PPFIBP1: variants seen among roughly 807,000 people sequenced by gnomAD.
The protein encoded by PPFIBP1 is PPFIB scaffold protein 1.
PPFIBP1 carries 112 observed loss-of-function variants against 137.8 expected under a neutral mutation model. The observed-to-expected ratio is 0.81, with a 90% CI of 0.70 to 0.95. The LOEUF (loss-of-function observed/expected upper bound fraction) is 0.95, where lower values mean the gene tolerates loss of function less well. PPFIBP1 is among the 40% of genes least tolerant of loss of function. The pLI, the probability that PPFIBP1 is intolerant of heterozygous loss-of-function variation, is 0.00. For synonymous variants in PPFIBP1, 378 were observed against 417.3 expected, an observed-to-expected ratio of 0.91 and a Z score of 1.15; for missense variants, 1,083 against 1,196.6, an observed-to-expected ratio of 0.91 and a Z score of 1.40.
chr12:27,595,887 ATATATATATATAT>A (rs142846814), intron 2 of PPFIBP1, among the ~76,000 whole-genome samples: 27,430 of 95,578 alleles, frequency 0.29, 3,441 homozygotes, highest in African/African-American at 0.38. Flanking sequence ...CAACAACAAA[ATATATATATATAT>A]ATATATATAT....
At chr12:27,525,965 A>T (rs1019319486) in intron 1 of PPFIBP1, among the ~76,000 whole-genome samples, 1 of 152,238 alleles carries the variant, frequency 6.6e-6, no homozygotes, top group African/African-American at 2.4e-5. Flanking sequence ...CAACATTTTA[A>T]TTTTGGTTTG....
At chr12:27,542,208 C>A (rs927827850) in intron 1 of PPFIBP1, among the ~76,000 whole-genome samples, 37 of 152,088 alleles carry the variant, frequency 2.4e-4, no homozygotes, top group Non-Finnish European at 7.4e-5. Context: ...TACAATGCAA[C>A]AACTATTTAC....
chr12:27,611,284 G>T (rs750200022), intron 2 of PPFIBP1, among the ~76,000 whole-genome samples: 1 of 152,174 alleles, frequency 6.6e-6, no homozygotes, highest in Non-Finnish European at 1.5e-5. Context: ...TATTGGAAAG[G>T]TTGGGTCCTT....
intron 2 of PPFIBP1, among the ~76,000 whole-genome samples, chr12:27,582,299 A>G (rs2051216912): frequency 6.6e-6 from 1 of 152,134 alleles, no homozygotes; most frequent in Non-Finnish European, 1.5e-5. Flanking sequence ...TTATACATTT[A>G]ATTAGGAGGC....
At chr12:27,625,269 A>G (rs1454371307) in intron 2 of PPFIBP1, among the ~76,000 whole-genome samples, 1 of 152,158 alleles carries the variant, frequency 6.6e-6, no homozygotes. Flanking sequence ...GTATAGATGG[A>G]TAGAATAGTA....
In PPFIBP1 at chr12:27,681,618, C is replaced by T; in HGVS notation, c.1968C>T (p.Gly656=). The change falls in exon 22 of 30, where the codon GGC becomes GGT. Residue 656 remains glycine, a synonymous_variant. Transcript: ENST00000228425. ...VCNWLMEQGL[G]SYLNSGKHWI... The stretch of plus-strand genomic sequence containing the variant: ...ATTGGCTGATGGAACAGGGCTTGGG[C>T]TCGTACCTGAATTCTGGCAAGCACT... 1 of 1,614,164 alleles carries T rather than the reference C, an allele frequency of 6.2e-7. No individual in the cohort carries two copies. Among genetic ancestry groups the T allele is most frequent in the Non-Finnish European group, 8.5e-7 (1 of 1,180,018 alleles).
At chr12:27,553,681 T>C (rs867669371) in intron 1 of PPFIBP1, among the ~76,000 whole-genome samples, 9 of 152,214 alleles carry the variant, frequency 5.9e-5, no homozygotes, top group Admixed American at 1.3e-4. Flanking sequence ...CATTCACAAC[T>C]GCAGGGGGCA....
chr12:27,550,655 C>T (rs1280654461), intron 1 of PPFIBP1, among the ~76,000 whole-genome samples: 3 of 152,220 alleles, frequency 2.0e-5, no homozygotes, highest in Middle Eastern at 3.4e-3. Flanking sequence ...GGACTCTGTG[C>T]CACCGCGAAT....
In PPFIBP1 at chr12:27,691,762, C is replaced by A. The variant is rs1297064619; in HGVS notation, c.2699C>A (p.Ala900Asp). 2 of 1,607,714 alleles carry A rather than the reference C, an allele frequency of 1.2e-6. No homozygotes were observed. Among genetic ancestry groups the A allele is most frequent in the East Asian group, 2.2e-5 (1 of 44,744 alleles). ...ATAKVKPKKL[A>D]FSNFGNLRKK... ...TTTCTTTTAAAGCCAAAGAAACTTG[C>A]CTTTAGCAATTTTGGGAATTTGAGA... is the stretch of plus-strand genomic sequence containing the variant. Residue 900 changes from alanine to aspartate, a missense_variant, in exon 28 of 30, where the codon GCC (alanine) becomes GAC (aspartate). Physicochemically the swap from Ala to Asp is moderately radical, Grantham distance 126. Transcript: ENST00000228425.
intron 1 of PPFIBP1, among the ~76,000 whole-genome samples, chr12:27,532,180 G>A (rs1359012865): frequency 2.0e-5 from 3 of 152,172 alleles, no homozygotes; most frequent in Non-Finnish European, 4.4e-5. Flanking sequence ...TCTTGGAGAC[G>A]GAAAGACAAA....
At chr12:27,692,732 T>C in intron 29 of PPFIBP1, 64 bp from the exon 30 acceptor site, 1 of 1,614,024 alleles carries the variant, frequency 6.2e-7, no homozygotes, top group Non-Finnish European at 8.5e-7. Flanking sequence ...CACATGTCTC[T>C]TGGAGAATGT....
At chr12:27,692,460 A>G (rs969931049) in intron 28 of PPFIBP1, 131 bp from the exon 29 acceptor site, 9 of 791,302 alleles carry the variant, frequency 1.1e-5, no homozygotes, top group African/African-American at 1.7e-5. Flanking sequence ...GATTATCACC[A>G]GAAGTGTTCT....
chr12:27,528,611 TATA>T (rs1421305175), intron 1 of PPFIBP1, among the ~76,000 whole-genome samples: 1 of 152,162 alleles, frequency 6.6e-6, no homozygotes, highest in East Asian at 1.9e-4. Flanking sequence ...TCATTTTAGA[TATA>T]ATAATTACTG....
At chr12:27,541,564 G>T (rs1397925105) in intron 1 of PPFIBP1, among the ~76,000 whole-genome samples, 2 of 152,198 alleles carry the variant, frequency 1.3e-5, no homozygotes, top group Admixed American at 1.3e-4. Flanking sequence ...CTTTGAGGCT[G>T]CAGGCTGTTG....
rs1196202971 is a variant in PPFIBP1 at position 27,687,460 on chromosome 12, A to G, written c.2323A>G (p.Ile775Val). 1.9e-6 allele frequency: 3 copies of G among 1,613,984 alleles called. No individual in the cohort carries two copies. The South Asian group carries it at 3.3e-5, about 18-fold the overall frequency. The stretch of plus-strand genomic sequence containing the variant: ...CAAAAGGGCCATCCAGGTCCTGAGG[A>G]TCAATAACTTTGAACCAAACTGTCT... ...SIKRAIQVLR[I>V]NNFEPNCLRR... The change falls in exon 25 of 30, where the codon ATC (isoleucine) becomes GTC (valine). Residue 775 changes from isoleucine to valine, a missense_variant. Transcript: ENST00000228425.
chr12:27,664,691 A>G (rs758916779), intron 12 of PPFIBP1, among the ~76,000 whole-genome samples: 1 of 152,026 alleles, frequency 6.6e-6, no homozygotes, highest in Admixed American at 6.6e-5. Flanking sequence ...CATTCCAGAG[A>G]GAGAAAAACG....
At chr12:27,686,909 G>A (rs1416447085) in intron 24 of PPFIBP1, among the ~76,000 whole-genome samples, 1 of 151,840 alleles carries the variant, frequency 6.6e-6, no homozygotes, top group Non-Finnish European at 1.5e-5. Context: ...GCCAACTCTT[G>A]ATCATGTTCA....
At chr12:27,592,544 G>A (rs1180354253) in intron 2 of PPFIBP1, 5 of 1,274,824 alleles carry the variant, frequency 3.9e-6, no homozygotes, top group South Asian at 3.6e-5. Flanking sequence ...GCTGGCTGAC[G>A]GGGACTCTTG....
chr12:27,679,577 G>A lies in PPFIBP1; in HGVS notation c.1704G>A (p.Gln568=), dbSNP rs1593337404. Residue 568 remains glutamine, a synonymous_variant, in exon 20 of 30, where the codon CAG becomes CAA. Transcript: ENST00000228425. The part of the protein sequence containing the change: ...PKDSQRNSPF[Q]IPPPSPDSKK... ...ATTCACAGAGGAACAGTCCCTTCCA[G>A]ATACCGCCTCCATCTCCAGATTCCA... The A allele has an allele frequency of 1.2e-6, 2 of 1,613,980 alleles. No individual in the cohort carries two copies. The highest frequency in any genetic ancestry group is 2.7e-5 in the African/African-American group (2 of 75,052).
Sources: gnomAD v4.1 joint callset for allele counts (sites outside exome capture counted in the v4.1 genomes callset) on GRCh38, gnomAD v4.1.1 for gene constraint, MANE v1.5 for transcripts, NCBI Gene and HGNC (gene_info 2026-07-23, HGNC 2026-07-21) for gene names.